Variants in RBFOX1 observed in about 807,000 individuals in gnomAD.
The protein encoded by RBFOX1 is RNA binding protein fox-1 homolog 1.
Under a neutral mutation model 57.7 loss-of-function variants are expected in RBFOX1, and 8 were observed. That is an observed-to-expected ratio of 0.14 (90% CI 0.08 to 0.25). The LOEUF is 0.25. Among genes scored for constraint, RBFOX1 ranks in the 10% least tolerant of loss-of-function variants. The pLI is 1.00. For missense variants in RBFOX1, 611 were observed against 548.5 expected, an observed-to-expected ratio of 1.11 and a Z score of -1.14; for synonymous variants, 326 against 222.4, an observed-to-expected ratio of 1.47 and a Z score of -4.15.
chr16:6,650,672 G>A (rs2098581613), intron 2 of RBFOX1, among the ~76,000 whole-genome samples: 1 of 152,126 alleles, frequency 6.6e-6, no homozygotes, highest in South Asian at 2.1e-4. Flanking sequence ...CATAAAACAA[G>A]ATATTTGCTA....
rs538090085 is a variant in RBFOX1, at chr16:5,484,811, C to A, written c.258+17557C>A. ...CCTGTAGTCCCAGCTACTCAGGAGGCTGAGGCAGGAGAATCACTTGAACCA... is the reference window on the plus strand; with the variant it reads ...CCTGTAGTCCCAGCTACTCAGGAGGATGAGGCAGGAGAATCACTTGAACCA... On this transcript the variant is annotated intron_variant, in intron 2 of 2. Coordinates refer to the RBFOX1 transcript ENST00000585867. 4.6e-5 allele frequency among the ~76,000 whole-genome samples: 7 copies of A among 151,790 alleles called. No homozygotes were observed. In the South Asian group the frequency reaches 1.5e-3, roughly 32 times the overall value.
At chr16:6,943,954 G>C (rs1303416426) in intron 3 of RBFOX1, among the ~76,000 whole-genome samples, 1 of 152,090 alleles carries the variant, frequency 6.6e-6, no homozygotes, top group Non-Finnish European at 1.5e-5. Context: ...CTCTGAATCT[G>C]CTGGGATTCT....
intron 3 of RBFOX1, among the ~76,000 whole-genome samples, chr16:6,961,978 C>G (rs1050765690): frequency 6.6e-6 from 1 of 152,118 alleles, no homozygotes; most frequent in Middle Eastern, 3.2e-3. Flanking sequence ...GAATGTCTAA[C>G]CTCATGGGAA....
intron 14 of RBFOX1, among the ~76,000 whole-genome samples, chr16:7,702,470 T>A (rs547811964): frequency 7.2e-5 from 11 of 152,330 alleles, no homozygotes; most frequent in Admixed American, 1.3e-4. Flanking sequence ...TGCTGCATTT[T>A]CATTTAGTGA....
At position 5,999,208 on chromosome 16, in the gene RBFOX1, T is replaced by G. The variant is rs1308725638; in HGVS notation, c.351+131873T>G. ...CTGCCAACACTGCCTTTCCATTATT[T>G]ACTCACCTCTTCCCTTCTCCCACCT... On this transcript the variant is annotated intron_variant, in intron 4 of 19. Transcript: ENST00000641259. 3.3e-5 allele frequency among the ~76,000 whole-genome samples: 5 copies of G among 152,276 alleles called. No homozygotes were observed. In the East Asian group the frequency reaches 9.7e-4, roughly 29 times the overall value.
At chr16:6,319,682 A>G (rs2081531187) in intron 2 of RBFOX1, among the ~76,000 whole-genome samples, 1 of 152,214 alleles carries the variant, frequency 6.6e-6, no homozygotes, top group Non-Finnish European at 1.5e-5. Context: ...ATGAGCTCCC[A>G]GGAACCAGCA....
At chr16:7,322,312 A>T (rs904761740) in intron 4 of RBFOX1, among the ~76,000 whole-genome samples, 2 of 152,348 alleles carry the variant, frequency 1.3e-5, no homozygotes, top group Non-Finnish European at 2.9e-5. Flanking sequence ...CCTTCTTGCC[A>T]CCTTGAAAAC....
At chr16:7,523,981 C>G (rs1005006363) in intron 5 of RBFOX1, among the ~76,000 whole-genome samples, 3 of 152,126 alleles carry the variant, frequency 2.0e-5, no homozygotes, top group Non-Finnish European at 2.9e-5. Context: ...ATGGTTCTCC[C>G]CACCCTATAT....
chr16:5,708,601 C>T (rs2051338293), intron 3 of RBFOX1, among the ~76,000 whole-genome samples: 2 of 152,168 alleles, frequency 1.3e-5, no homozygotes, highest in Non-Finnish European at 2.9e-5. Flanking sequence ...CATGTGTCTT[C>T]CAGTTTCCAG....
At chr16:6,605,065 A>G (rs917711720) in intron 2 of RBFOX1, among the ~76,000 whole-genome samples, 1 of 152,054 alleles carries the variant, frequency 6.6e-6, no homozygotes, top group African/African-American at 2.4e-5. Flanking sequence ...CAACGTGTGT[A>G]TTTTTATATA....
At chr16:7,170,482 C>G (rs1456819771) in intron 4 of RBFOX1, among the ~76,000 whole-genome samples, 12 of 152,056 alleles carry the variant, frequency 7.9e-5, no homozygotes, top group African/African-American at 2.4e-5. Context: ...TGGCGTGTTG[C>G]CCATATTGGT....
At chr16:5,249,353 G>C (rs1178855185) in intron 1 of RBFOX1, among the ~76,000 whole-genome samples, 1 of 152,202 alleles carries the variant, frequency 6.6e-6, no homozygotes, top group Non-Finnish European at 1.5e-5. Flanking sequence ...TCCTCCTGGA[G>C]GGGCCTGGCC....
intron 4 of RBFOX1, among the ~76,000 whole-genome samples, chr16:7,125,193 C>G (rs1415025597): frequency 6.6e-6 from 1 of 152,124 alleles, no homozygotes; most frequent in East Asian, 1.9e-4. Flanking sequence ...GGGGGACGGG[C>G]CACACTGTCT....
intron 4 of RBFOX1, among the ~76,000 whole-genome samples, chr16:7,342,679 T>A (rs2096920946): frequency 6.6e-6 from 1 of 152,142 alleles, no homozygotes; most frequent in South Asian, 2.1e-4. Context: ...GAGATACAAC[T>A]GGGGAGGTGG....
chr16:5,261,435 CTT>C (rs1399836545), intron 1 of RBFOX1, among the ~76,000 whole-genome samples: 1 of 151,384 alleles, frequency 6.6e-6, no homozygotes, highest in Non-Finnish European at 1.5e-5. Flanking sequence ...GTGATAGTGT[CTT>C]TTGCCTATTT....
intron 1 of RBFOX1, chr16:6,038,251 G>A (rs1374469567): frequency 6.8e-6 from 1 of 147,996 alleles, no homozygotes; most frequent in African/African-American, 2.5e-5. Flanking sequence ...GTGCAATCTT[G>A]GCCCACTGCA....
At chr16:5,461,686 G>T (rs994201740) in intron 1 of RBFOX1, among the ~76,000 whole-genome samples, 14 of 152,164 alleles carry the variant, frequency 9.2e-5, no homozygotes, top group Admixed American at 9.2e-4. Flanking sequence ...CGGTGCATTT[G>T]GTGGGTTTCC....
intron 4 of RBFOX1, among the ~76,000 whole-genome samples, chr16:7,079,253 A>T (rs115852437): frequency 6.6e-6 from 1 of 152,112 alleles, no homozygotes; most frequent in Non-Finnish European, 1.5e-5. Flanking sequence ...TGCTCATCAT[A>T]CATCTGGCTC....
intron 4 of RBFOX1, among the ~76,000 whole-genome samples, chr16:7,136,584 T>A (rs1307152011): frequency 1.3e-5 from 2 of 152,000 alleles, no homozygotes; most frequent in East Asian, 3.9e-4. Flanking sequence ...TTAATTTGTT[T>A]GTTTGTTTGT....
Sources: gnomAD v4.1 joint callset for allele counts (sites outside exome capture counted in the v4.1 genomes callset) on GRCh38, gnomAD v4.1.1 for gene constraint, MANE v1.5 for transcripts, NCBI Gene and HGNC (gene_info 2026-07-23, HGNC 2026-07-21) for gene names.